The following FNIP1 variants were observed in gnomAD, a reference collection of about 807,000 sequenced individuals.
FNIP1 encodes folliculin interacting protein 1.
A neutral mutation model predicts 124.5 loss-of-function variants in FNIP1; 40 were observed. The ratio of observed to expected loss-of-function variants is 0.32; its 90% CI spans 0.25 to 0.42. FNIP1 has a LOEUF of 0.42. FNIP1 is among the 10% of genes least tolerant of loss of function. The probability of loss-of-function intolerance (pLI) is 1.00; values close to 1 mark genes in which losing one functional copy is unlikely to be tolerated. For synonymous variants in FNIP1, 472 were observed against 470.6 expected (o/e 1.00, Z -0.04); for missense variants, 1,176 against 1,403.7 (o/e 0.84, Z 2.59).
intron 1 of FNIP1, among the ~76,000 whole-genome samples, chr5:131,746,547 T>C (rs760282599): frequency 4.6e-5 from 7 of 152,332 alleles, no homozygotes; most frequent in Admixed American, 3.3e-4. Context: ...TGTTCCTGCA[T>C]TAATTCACTC....
At chr5:131,778,585 T>C (rs1243079651) in intron 1 of FNIP1, among the ~76,000 whole-genome samples, 5 of 132,214 alleles carry the variant, frequency 3.8e-5, no homozygotes, top group Non-Finnish European at 8.0e-5. Context: ...GAAGTCAGTG[T>C]GGCGATTCCT....
intron 15 of FNIP1, among the ~76,000 whole-genome samples, chr5:131,665,898 A>ATTTTTTTTTTTT (rs751409571): frequency 8.7e-6 from 1 of 114,766 alleles, no homozygotes. Context: ...CTAAAATAAT[A>ATTTTTTTTTTTT]CTTTTTTTTT....
rs1440780904 is a variant in FNIP1 at position 131,673,744 on chromosome 5, A to G, written c.1520-820T>C. On this transcript the variant is annotated intron_variant, in intron 13 of 17. Coordinates refer to ENST00000510461, the MANE Select transcript of FNIP1 (RefSeq NM_133372.3). Reference sequence around the variant, plus strand: ...CACTTAACCATTCCTGATTTAAATCATATCTCTGGGGCCGGGCACAGTGGC... The same window carrying G: ...CACTTAACCATTCCTGATTTAAATCGTATCTCTGGGGCCGGGCACAGTGGC... Among the ~76,000 whole-genome samples, 8 of 152,282 alleles carry G rather than the reference A, an allele frequency of 5.3e-5. No individual in the cohort carries two copies. The Middle Eastern group carries it at 0.014, about 259-fold the overall frequency.
intron 3 of FNIP1, among the ~76,000 whole-genome samples, chr5:131,727,272 T>C (rs557976319): frequency 2.4e-4 from 37 of 152,272 alleles, no homozygotes; most frequent in Non-Finnish European, 4.3e-4. Flanking sequence ...ACTATTATTG[T>C]GTGGGAGTCT....
intron 1 of FNIP1, among the ~76,000 whole-genome samples, chr5:131,783,428 T>A (rs1772060689): frequency 6.9e-6 from 1 of 145,660 alleles, no homozygotes; most frequent in African/African-American, 2.5e-5. Context: ...AGTCAGAAAT[T>A]AGGAGAGGAA....
intron 2 of FNIP1, among the ~76,000 whole-genome samples, chr5:131,737,140 C>A (rs908871599): frequency 1.3e-5 from 2 of 152,144 alleles, no homozygotes; most frequent in Non-Finnish European, 2.9e-5. Context: ...AAATTGAACC[C>A]TTTTTCCTAC....
intron 13 of FNIP1, among the ~76,000 whole-genome samples, chr5:131,674,330 A>T (rs926923750): frequency 1.3e-5 from 2 of 152,242 alleles, no homozygotes; most frequent in East Asian, 3.8e-4. Flanking sequence ...TTATGTTAAA[A>T]GCAGGGGAGG....
At chr5:131,715,676 A>G (rs1451000775) in intron 6 of FNIP1, among the ~76,000 whole-genome samples, 5 of 152,294 alleles carry the variant, frequency 3.3e-5, no homozygotes, top group African/African-American at 1.2e-4. Flanking sequence ...TCTATAACAC[A>G]CACACATTAT....
chr5:131,709,924 A>G (rs905345196), intron 7 of FNIP1, among the ~76,000 whole-genome samples: 28 of 152,346 alleles, frequency 1.8e-4, no homozygotes, highest in African/African-American at 6.5e-4. Flanking sequence ...AAATGTGTTC[A>G]CATTCCAGTA....
intron 15 of FNIP1, among the ~76,000 whole-genome samples, chr5:131,655,304 C>T (rs992832694): frequency 1.3e-5 from 2 of 151,880 alleles, no homozygotes; most frequent in African/African-American, 4.8e-5. Context: ...CCCAGTAGTT[C>T]GAGAGACTAA....
At position 131,796,823 on chromosome 5, in the gene FNIP1, G is replaced by A; in HGVS notation, c.92+7C>T. On this transcript the variant is annotated splice_region_variant and intron_variant, in intron 1 of 17. Transcript: ENST00000510461. ...GGCTCCGCGACCCCCGCCCCACAGC[G>A]CCCTACCTGAACCCGCAATCTGGGT... 1 of 1,574,396 alleles carries A rather than the reference G, an allele frequency of 6.4e-7. No homozygotes were observed. The highest frequency in any genetic ancestry group is 1.2e-5 in the South Asian group (1 of 86,274).
At chr5:131,668,603 TGAACCTGG>T (rs1767666002) in intron 15 of FNIP1, among the ~76,000 whole-genome samples, 1 of 152,184 alleles carries the variant, frequency 6.6e-6, no homozygotes, top group Non-Finnish European at 1.5e-5. Flanking sequence ...GAGAATCACT[TGAACCTGG>T]GAGGCAGAAG....
chr5:131,693,333 C>CATATATATATATATATAT (rs70974007), intron 11 of FNIP1, among the ~76,000 whole-genome samples: 1 of 50,150 alleles, frequency 2.0e-5, no homozygotes, highest in Non-Finnish European at 4.0e-5. Context: ...TATATATATA[C>CATATATATATATATATAT]ATATATATAT....
In FNIP1 at chr5:131,704,637, T is replaced by C. The variant is rs556655696; in HGVS notation, c.915-371A>G. Among the ~76,000 whole-genome samples the C allele has an allele frequency of 1.4e-4, 22 of 152,096 alleles. No homozygotes were observed. In the South Asian group the frequency reaches 3.3e-3, roughly 23 times the overall value. The stretch of plus-strand genomic sequence containing the variant: ...TGGTGTCTGTTTTTGATTTCAGGAG[T>C]AAAGTCAAAGATGAAGGAATAAAGG... On this transcript the variant is annotated intron_variant, in intron 9 of 17. Coordinates refer to ENST00000510461, the MANE Select transcript of FNIP1 (RefSeq NM_133372.3).
At chr5:131,675,674 G>C (rs1767888628) in intron 13 of FNIP1, among the ~76,000 whole-genome samples, 1 of 152,110 alleles carries the variant, frequency 6.6e-6, no homozygotes, top group Non-Finnish European at 1.5e-5. Context: ...TACCATGACA[G>C]AAAGTAGGCC....
chr5:131,777,421 T>C (rs1173508022), intron 1 of FNIP1, among the ~76,000 whole-genome samples: 1 of 151,966 alleles, frequency 6.6e-6, no homozygotes, highest in Non-Finnish European at 1.5e-5. Context: ...AATGGTCCTG[T>C]CGTAAAAACA....
intron 5 of FNIP1, among the ~76,000 whole-genome samples, chr5:131,717,761 T>C (rs747542558): frequency 1.3e-5 from 2 of 152,190 alleles, no homozygotes; most frequent in Non-Finnish European, 2.9e-5. Flanking sequence ...CTCTGGTGAT[T>C]ATGGCTAACA....
At chr5:131,731,379 G>C (rs973043483) in intron 2 of FNIP1, among the ~76,000 whole-genome samples, 2 of 152,116 alleles carry the variant, frequency 1.3e-5, no homozygotes, top group Non-Finnish European at 1.5e-5. Context: ...TATGGGCAGG[G>C]CTTGGTGGCT....
At chr5:131,679,313 C>T (rs1272333414) in intron 11 of FNIP1, 138 bp from the exon 12 acceptor site, 2 of 614,308 alleles carry the variant, frequency 3.3e-6, no homozygotes, top group Non-Finnish European at 5.8e-6. Context: ...TGGACCAAGT[C>T]CTTCTTTCCT....
Sources: allele counts gnomAD v4.1 joint callset (sites outside exome capture counted in the v4.1 genomes callset), GRCh38; gene constraint gnomAD v4.1.1; transcripts MANE v1.5; gene names NCBI Gene and HGNC (gene_info 2026-07-23, HGNC 2026-07-21).